Variants in ZXDB observed in about 807,000 individuals in gnomAD.
ZXDB encodes zinc finger X-linked duplicated B.
For synonymous variants in ZXDB, 273 were observed against 314.3 expected, an observed-to-expected ratio of 0.87 and a Z score of 1.39; for missense variants, 413 against 679.1, an observed-to-expected ratio of 0.61 and a Z score of 4.36.
Position 57,592,940 on chromosome X carries a change from A to C in ZXDB, c.892A>C (p.Ser298Arg). 1 of 1,202,288 alleles carries C rather than the reference A, an allele frequency of 8.3e-7. No individual in the cohort carries two copies. The highest frequency in any genetic ancestry group is 1.8e-5 in the South Asian group (1 of 55,608). The change falls in exon 1 of 1, where the codon AGC (serine) becomes CGC (arginine). Residue 298 changes from serine to arginine, a missense_variant. Physicochemically the swap from Ser to Arg is moderately radical, Grantham distance 110 (BLOSUM62 -1). Transcript: ENST00000374888. ...LKVHLLTHSS[S>R]QGQRPFKCPL... Reference sequence around the variant, plus strand: ...GGTGCACCTGCTGACGCACAGCAGCAGCCAGGGCCAGAGGCCCTTCAAATG... The same window carrying C: ...GGTGCACCTGCTGACGCACAGCAGCCGCCAGGGCCAGAGGCCCTTCAAATG...
rs950549816 is a variant in ZXDB at position 57,597,043 on chromosome X, T to C, written c.*2583T>C. On this transcript the variant is annotated 3_prime_UTR_variant, in exon 1 of 1. Coordinates refer to ENST00000374888, the MANE Select transcript of ZXDB (RefSeq NM_007157.4). ...TTTTGCTAAATACTCTCTTATTTGC[T>C]CTAGTGTACTAGTCCAGTAGTGTTT... is the stretch of plus-strand genomic sequence containing the variant. The C allele has an allele frequency of 1.2e-4, 15 of 123,738 alleles. No individual in the cohort carries two copies. Among genetic ancestry groups the C allele is most frequent in the African/African-American group, 4.5e-4 (14 of 30,945 alleles). 10.2% of individuals were successfully genotyped at this position (123,738 alleles called of 1,213,427 possible).
At position 57,593,476 on chromosome X, in the gene ZXDB, A is replaced by G. The variant is rs201075739; in HGVS notation, c.1428A>G (p.Arg476=). ...TGTCCAAACTCTTAAGGCACAAAAG[A>G]AAGCACGACGATGACCGGAGGTTCA... The part of the protein sequence containing the change: ...TSMSKLLRHK[R]KHDDDRRFMC... The change falls in exon 1 of 1, where the codon AGA becomes AGG. Residue 476 remains arginine (R), a synonymous_variant. Coordinates refer to ENST00000374888, the MANE Select transcript of ZXDB (RefSeq NM_007157.4). 38 of 1,209,873 alleles carry G rather than the reference A, an allele frequency of 3.1e-5. No homozygotes were observed. The highest frequency in any genetic ancestry group is 7.0e-5 in the African/African-American group (4 of 57,064).
rs761635133 is a variant in ZXDB, at chrX:57,594,204, C to A, written c.2156C>A (p.Pro719Gln). ...TCTTTGGCCATGAAAAACTCCAGTC[C>A]AGAGCCTCAGGCTTTGACACCCAGC... ...LDSLAMKNSS[P>Q]EPQALTPSSK... Residue 719 changes from proline to glutamine, a missense_variant, in exon 1 of 1, where the codon CCA (proline) becomes CAA (glutamine). Physicochemically the swap from Pro to Gln is moderately conservative, Grantham distance 76. Coordinates refer to ENST00000374888, the MANE Select transcript of ZXDB (RefSeq NM_007157.4). The A allele has an allele frequency of 1.7e-6, 2 of 1,209,173 alleles. No individual in the cohort carries two copies. Among genetic ancestry groups the A allele is most frequent in the Non-Finnish European group, 2.2e-6 (2 of 894,632 alleles).
rs1254236609 is a variant in ZXDB, at chrX:57,597,435, C to T, written c.*2975C>T. ...AGTATGTCAAGGATTGAGATGAACA[C>T]ATAAGTCTTGGAAATTAAATAAATT... On this transcript the variant is annotated 3_prime_UTR_variant, in exon 1 of 1. Transcript: ENST00000374888. 4 of 123,198 alleles carry T rather than the reference C, an allele frequency of 3.2e-5. No individual in the cohort carries two copies. Among genetic ancestry groups the T allele is most frequent in the Non-Finnish European group, 7.5e-5 (4 of 53,199 alleles). 10.2% of individuals were successfully genotyped at this position (123,198 alleles called of 1,213,427 possible).
In ZXDB at chrX:57,592,410, C is replaced by G. The variant is rs2057896060; in HGVS notation, c.362C>G (p.Ala121Gly). The G allele has an allele frequency of 1.7e-6, 2 of 1,169,265 alleles. No individual in the cohort carries two copies. The highest frequency in any genetic ancestry group is 2.3e-6 in the Non-Finnish European group (2 of 879,407). Residue 121 changes from alanine to glycine, a missense_variant, in exon 1 of 1, where the codon GCC (alanine) becomes GGC (glycine). By Grantham distance (60) the Ala-to-Gly change is moderately conservative. Coordinates refer to ENST00000374888, the MANE Select transcript of ZXDB (RefSeq NM_007157.4). ...QAAGPVLREE[A>G]EEGPGLQGGE... is the part of the protein sequence containing the mutation. ...GCAGGGCCTGTGTTGAGGGAGGAGG[C>G]CGAGGAGGGCCCGGGGCTCCAGGGG... is the stretch of plus-strand genomic sequence containing the variant.
Position 57,596,506 on chromosome X carries a change from C to T in ZXDB, c.*2046C>T, listed in dbSNP as rs2057911128. 1 of 123,513 alleles carries T rather than the reference C, an allele frequency of 8.1e-6. No homozygotes were observed. Among genetic ancestry groups the T allele is most frequent in the Admixed American group, 9.4e-5 (1 of 10,602 alleles). The allele number at this position is 123,513 out of a possible 1,213,427, so 10.2% of individuals were successfully genotyped here. A position where few individuals can be genotyped will look rare whatever the true frequency, so the allele number is the denominator to read the frequency against. ...CCCTGTGAAGTAGTTTTGGCAATGT[C>T]TGTGTTACATTTCATGTAATTTAGC... On this transcript the variant is annotated 3_prime_UTR_variant, in exon 1 of 1. Transcript: ENST00000374888.
rs148225910 is a variant in ZXDB, at chrX:57,596,892, T to A, written c.*2432T>A. 1.2e-3 allele frequency: 152 copies of A among 123,912 alleles called. No individual in the cohort carries two copies. Among genetic ancestry groups the A allele is most frequent in the Non-Finnish European group, 2.3e-3 (122 of 53,353 alleles). 10.2% of individuals were successfully genotyped at this position (123,912 alleles called of 1,213,427 possible). ...GAAGTTCTGTGCATACAGGAAGAAGTTATTTTCTGAGCTTAGATAATACTA... is the reference window on the plus strand; with the variant it reads ...GAAGTTCTGTGCATACAGGAAGAAGATATTTTCTGAGCTTAGATAATACTA... On this transcript the variant is annotated 3_prime_UTR_variant, in exon 1 of 1. Transcript: ENST00000374888.
rs1271347743 is a variant in ZXDB at position 57,595,233 on chromosome X, T to C, written c.*773T>C. The C allele has an allele frequency of 1.6e-5, 2 of 123,652 alleles. No individual in the cohort carries two copies. Among genetic ancestry groups the C allele is most frequent in the African/African-American group, 6.5e-5 (2 of 30,915 alleles). 10.2% of individuals were successfully genotyped at this position (123,652 alleles called of 1,213,427 possible). On this transcript the variant is annotated 3_prime_UTR_variant, in exon 1 of 1. Coordinates refer to ENST00000374888, the MANE Select transcript of ZXDB (RefSeq NM_007157.4). ...TGTCTTCTTAATCCGTATGTTTCCC[T>C]TTCATCTTTCTTTTTTTCCTTGCGA...
At position 57,592,338 on chromosome X, in the gene ZXDB, T is replaced by C; in HGVS notation, c.290T>C (p.Leu97Pro). ...GGGDDFFLVL[L>P]DPVGGDVETA... is the part of the protein sequence containing the mutation. ...GGCGACGACTTCTTCCTGGTGCTGC[T>C]TGACCCGGTGGGTGGCGACGTGGAG... is the stretch of plus-strand genomic sequence containing the variant. The change falls in exon 1 of 1, where the codon CTT becomes CCT. Residue 97 changes from leucine (L) to proline (P), a missense_variant. Leu to Pro is a moderately conservative substitution (Grantham distance 98). Transcript: ENST00000374888. The C allele has an allele frequency of 8.4e-7, 1 of 1,193,637 alleles. No individual in the cohort carries two copies. The highest frequency in any genetic ancestry group is 1.1e-6 in the Non-Finnish European group (1 of 890,425).
rs1602947954 is a variant in ZXDB at position 57,592,073 on chromosome X, G to A, written c.25G>A (p.Ala9Thr). The stretch of plus-strand genomic sequence containing the variant: ...GATGGAAATCCCGAAGCTGCTCCCG[G>A]CTCGCGGGACACTACAGGGCGGCGG... Reference protein sequence around the residue: MEIPKLLPARGTLQGGGGG... With the variant: MEIPKLLPTRGTLQGGGGG... Residue 9 changes from alanine to threonine, a missense_variant, in exon 1 of 1, where the codon GCT becomes ACT. Ala to Thr is a moderately conservative substitution (Grantham distance 58). Transcript: ENST00000374888. 1.9e-6 allele frequency: 2 copies of A among 1,036,127 alleles called. No homozygotes were observed. The highest frequency in any genetic ancestry group is 2.5e-6 in the Non-Finnish European group (2 of 812,529). The allele number at this position is 1,036,127 out of a possible 1,213,427, so 85.4% of individuals were successfully genotyped here.
chrX:57,592,717 C>G lies in ZXDB; in HGVS notation c.669C>G (p.Asp223Glu). Reference sequence around the variant, plus strand: ...TCCCGCATGCCGCGCACCCGGGTGACTGCCCAGAGCTGCCGCCAGACCTCC... The same window carrying G: ...TCCCGCATGCCGCGCACCCGGGTGAGTGCCCAGAGCTGCCGCCAGACCTCC... ...AGFPHAAHPG[D>E]CPELPPDLLL... Residue 223 changes from aspartate (D) to glutamate (E), a missense_variant, in exon 1 of 1, where the codon GAC becomes GAG. Physicochemically the swap from Asp to Glu is conservative, Grantham distance 45. Coordinates refer to ENST00000374888, the MANE Select transcript of ZXDB (RefSeq NM_007157.4). The G allele has an allele frequency of 8.6e-7, 1 of 1,165,255 alleles. No individual in the cohort carries two copies. Among genetic ancestry groups the G allele is most frequent in the East Asian group, 3.2e-5 (1 of 30,792 alleles).
chrX:57,596,466 C>G lies in ZXDB; in HGVS notation c.*2006C>G, dbSNP rs1422407648. ...GGGAACATCTTCACAATTTGTGTCTCGTTGTTCAGAACAACCCTGTGAAGT... is the reference window on the plus strand; with the variant it reads ...GGGAACATCTTCACAATTTGTGTCTGGTTGTTCAGAACAACCCTGTGAAGT... On this transcript the variant is annotated 3_prime_UTR_variant, in exon 1 of 1. Coordinates refer to ENST00000374888, the MANE Select transcript of ZXDB (RefSeq NM_007157.4). 1 of 123,569 alleles carries G rather than the reference C, an allele frequency of 8.1e-6. No homozygotes were observed. The highest frequency in any genetic ancestry group is 9.4e-5 in the Admixed American group (1 of 10,635). The allele number at this position is 123,569 out of a possible 1,213,427, so 10.2% of individuals were successfully genotyped here. A position where few individuals can be genotyped will look rare whatever the true frequency, so the allele number is the denominator to read the frequency against.
In ZXDB at chrX:57,592,207, C is replaced by T; in HGVS notation, c.159C>T (p.Gly53=). The change falls in exon 1 of 1, where the codon GGC becomes GGT. Residue 53 remains glycine, a synonymous_variant. Transcript: ENST00000374888. Reference sequence around the variant, plus strand: ...TGCTGCTCCGGGGCCCCCAAGATGGCGGGCCCGGGCGGCGGCGCGAGGAGG... The same window carrying T: ...TGCTGCTCCGGGGCCCCCAAGATGGTGGGCCCGGGCGGCGGCGCGAGGAGG... ...RLLLLRGPQD[G]GPGRRREEAS... The T allele has an allele frequency of 1.4e-5, 15 of 1,066,067 alleles. No homozygotes were observed. The highest frequency in any genetic ancestry group is 4.8e-5 in the Admixed American group (1 of 21,008). The allele number at this position is 1,066,067 out of a possible 1,213,427, so 87.9% of individuals were successfully genotyped here. A position where few individuals can be genotyped will look rare whatever the true frequency, so the allele number is the denominator to read the frequency against.
Position 57,592,567 on chromosome X carries a change from C to A in ZXDB, c.519C>A (p.Asn173Lys). 1 of 1,197,902 alleles carries A rather than the reference C, an allele frequency of 8.3e-7. No homozygotes were observed. ...AAFAGTVTIHNQDLLLRFENG... is the reference protein window; with the variant it reads ...AAFAGTVTIHKQDLLLRFENG... ...TCGCGGGCACAGTCACTATCCACAACCAGGACCTGCTGTTGCGCTTTGAGA... is the reference window on the plus strand; with the variant it reads ...TCGCGGGCACAGTCACTATCCACAAACAGGACCTGCTGTTGCGCTTTGAGA... The change falls in exon 1 of 1, where the codon AAC becomes AAA. Residue 173 changes from asparagine (N) to lysine (K), a missense_variant. By Grantham distance (94) the Asn-to-Lys change is moderately conservative (BLOSUM62 0). Transcript: ENST00000374888.
chrX:57,593,626 T>C lies in ZXDB; in HGVS notation c.1578T>C (p.Ser526=). Residue 526 remains serine (S), a synonymous_variant, in exon 1 of 1, where the codon TCT becomes TCC. Transcript: ENST00000374888. ...CPVAGCCARF[S]ARSSLYIHSK... ...TGGCAGGCTGCTGTGCCAGGTTCTC[T>C]GCTCGCAGTAGCCTCTACATTCACT... The C allele has an allele frequency of 8.3e-7, 1 of 1,210,427 alleles. No individual in the cohort carries two copies. Among genetic ancestry groups the C allele is most frequent in the Non-Finnish European group, 1.1e-6 (1 of 894,972 alleles).
Position 57,594,210 on chromosome X carries a change from C to T in ZXDB, c.2162C>T (p.Pro721Leu). 8.3e-7 allele frequency: 1 copy of T among 1,210,365 alleles called. No homozygotes were observed. The highest frequency in any genetic ancestry group is 1.1e-6 in the Non-Finnish European group (1 of 895,065). ...SLAMKNSSPEPQALTPSSKLT... is the reference protein window; with the variant it reads ...SLAMKNSSPELQALTPSSKLT... ...GCCATGAAAAACTCCAGTCCAGAGC[C>T]TCAGGCTTTGACACCCAGCAGTAAG... The change falls in exon 1 of 1, where the codon CCT (proline) becomes CTT (leucine). Residue 721 changes from proline (P) to leucine (L), a missense_variant. Physicochemically the swap from Pro to Leu is moderately conservative, Grantham distance 98. Coordinates refer to ENST00000374888, the MANE Select transcript of ZXDB (RefSeq NM_007157.4).
In ZXDB at chrX:57,592,763, C is replaced by T. The variant is rs773672559; in HGVS notation, c.715C>T (p.Pro239Ser). Residue 239 changes from proline to serine, a missense_variant, in exon 1 of 1, where the codon CCC becomes TCC. Transcript: ENST00000374888. ...CCTCCTGCTAGCTGAGCCGGCCGAA[C>T]CCGCGCCAGCTCCGGCGCCTGAGGA... Reference protein sequence around the residue: ...PDLLLAEPAEPAPAPAPEEEA... With the variant: ...PDLLLAEPAESAPAPAPEEEA... The T allele has an allele frequency of 1.7e-6, 2 of 1,153,932 alleles. No individual in the cohort carries two copies. The highest frequency in any genetic ancestry group is 5.4e-5 in the Admixed American group (2 of 36,705).
rs768725517 is a variant in ZXDB at position 57,593,063 on chromosome X, G to C, written c.1015G>C (p.Glu339Gln). The change falls in exon 1 of 1, where the codon GAG (glutamate) becomes CAG (glutamine). Residue 339 changes from glutamate (E) to glutamine (Q), a missense_variant. Transcript: ENST00000374888. ...ACTGCGGCCCTTTGGCTGCCCGGCAGAGGGCTGTGGCAAGAGCTTCACCAC... is the reference window on the plus strand; with the variant it reads ...ACTGCGGCCCTTTGGCTGCCCGGCACAGGGCTGTGGCAAGAGCTTCACCAC... ...DKLRPFGCPA[E>Q]GCGKSFTTVY... 2 of 1,212,030 alleles carry C rather than the reference G, an allele frequency of 1.7e-6. No homozygotes were observed. The highest frequency in any genetic ancestry group is 3.5e-5 in the South Asian group (2 of 57,004).
rs1427159020 is a variant in ZXDB at position 57,592,169 on chromosome X, A to C, written c.121A>C (p.Thr41Pro). Residue 41 changes from threonine (T) to proline (P), a missense_variant, in exon 1 of 1, where the codon ACG becomes CCG. Thr to Pro is a conservative substitution (Grantham distance 38). Coordinates refer to ENST00000374888, the MANE Select transcript of ZXDB (RefSeq NM_007157.4). Reference sequence around the variant, plus strand: ...TGACTCGCCGGCTGGCCAGGTCCCCACGCGCCGCCTCCTGCTGCTCCGGGG... The same window carrying C: ...TGACTCGCCGGCTGGCCAGGTCCCCCCGCGCCGCCTCCTGCTGCTCCGGGG... ...GPDSPAGQVPTRRLLLLRGPQ... is the reference protein window; with the variant it reads ...GPDSPAGQVPPRRLLLLRGPQ... The C allele has an allele frequency of 4.3e-5, 45 of 1,046,265 alleles. No homozygotes were observed. In the African/African-American group the frequency reaches 8.1e-4, roughly 19 times the overall value. 86.2% of individuals were successfully genotyped at this position (1,046,265 alleles called of 1,213,427 possible).
Sources: gnomAD v4.1 joint callset for allele counts on GRCh38, gnomAD v4.1.1 for gene constraint, MANE v1.5 for transcripts, NCBI Gene and HGNC (gene_info 2026-07-23, HGNC 2026-07-21) for gene names.